CATSPERT: variants seen among roughly 807,000 people sequenced by gnomAD.
CATSPERT encodes cation channel sperm-associated targeting subunit tau.
the CATSPERT span, chr2:201,491,502 T>C: frequency 2.6e-6 from 4 of 1,536,246 alleles, no homozygotes; most frequent in Non-Finnish European, 2.6e-6. Flanking sequence ...ATTGTGCAAA[T>C]GTTACTAAAT....
At chr2:201,608,632 C>T in the CATSPERT span, among the ~76,000 whole-genome samples, 47 of 152,042 alleles carry the variant, frequency 3.1e-4, no homozygotes, top group African/African-American at 6.7e-4. Flanking sequence ...GCCTGGGCTA[C>T]GTGGCAAAAC....
the CATSPERT span, chr2:201,604,755 C>T: frequency 4.2e-6 from 5 of 1,179,158 alleles, no homozygotes; most frequent in Non-Finnish European, 6.0e-6. Context: ...CTAGATGAAA[C>T]ATCAATTCAA....
chr2:201,584,434 A>G, the CATSPERT span, among the ~76,000 whole-genome samples: 1 of 152,208 alleles, frequency 6.6e-6, no homozygotes, highest in South Asian at 2.1e-4. Flanking sequence ...AGTTAACCAG[A>G]GTCCAAGGAA....
the CATSPERT span, among the ~76,000 whole-genome samples, chr2:201,600,031 T>A: frequency 6.6e-6 from 1 of 152,216 alleles, no homozygotes; most frequent in African/African-American, 2.4e-5. Flanking sequence ...AGTGTGGCGA[T>A]TCCTCAAGGA....
chr2:201,526,864 T>TACCA, the CATSPERT span, among the ~76,000 whole-genome samples: 1 of 152,164 alleles, frequency 6.6e-6, no homozygotes, highest in African/African-American at 2.4e-5. Context: ...AAGACAAGGA[T>TACCA]ACCAACTCTC....
chr2:201,487,739 C>T, the CATSPERT span: 134 of 1,614,128 alleles, frequency 8.3e-5, 1 homozygote, highest in East Asian at 2.6e-3. Context: ...GTAGCTTTCT[C>T]GTTGCTTGTT....
At chr2:201,588,715 C>T in the CATSPERT span, among the ~76,000 whole-genome samples, 1 of 151,766 alleles carries the variant, frequency 6.6e-6, no homozygotes, top group African/African-American at 2.4e-5. Context: ...CAAGGATGCC[C>T]TCTCTCACCA....
chr2:201,610,798 T>A, the CATSPERT span, among the ~76,000 whole-genome samples: 2 of 152,154 alleles, frequency 1.3e-5, no homozygotes, highest in Non-Finnish European at 2.9e-5. Context: ...TTTATCCCAG[T>A]GAATGCAAGG....
the CATSPERT span, among the ~76,000 whole-genome samples, chr2:201,618,728 T>A: frequency 5.6e-4 from 78 of 139,616 alleles, no homozygotes; most frequent in African/African-American, 1.9e-3. Context: ...AAAATAAAAA[T>A]AAAAAAAAGG....
the CATSPERT span, among the ~76,000 whole-genome samples, chr2:201,536,600 T>G: frequency 1.4e-4 from 21 of 151,940 alleles, no homozygotes; most frequent in South Asian, 4.4e-3. Context: ...AATCTGAGGG[T>G]CTGACATTTT....
At chr2:201,562,483 G>A in the CATSPERT span, among the ~76,000 whole-genome samples, 3 of 151,626 alleles carry the variant, frequency 2.0e-5, no homozygotes, top group Non-Finnish European at 2.9e-5. Context: ...CACCACGCCC[G>A]GCCCCTTCTC....
the CATSPERT span, chr2:201,493,039 G>A: frequency 6.5e-7 from 1 of 1,536,346 alleles, no homozygotes; most frequent in Non-Finnish European, 8.7e-7. Flanking sequence ...TGTAAAAGAA[G>A]GTTGAATTAG....
chr2:201,589,922 C>A, the CATSPERT span, among the ~76,000 whole-genome samples: 1 of 152,036 alleles, frequency 6.6e-6, no homozygotes, highest in African/African-American at 2.4e-5. Context: ...AAAAAACAAA[C>A]AACCCCATTA....
At chr2:201,527,038 A>T in the CATSPERT span, among the ~76,000 whole-genome samples, 2 of 152,368 alleles carry the variant, frequency 1.3e-5, no homozygotes, top group East Asian at 3.9e-4. Flanking sequence ...AGGCTTCTAG[A>T]TCTGATAAAC....
the CATSPERT span, among the ~76,000 whole-genome samples, chr2:201,543,982 A>G: frequency 6.6e-6 from 1 of 152,072 alleles, no homozygotes; most frequent in Non-Finnish European, 1.5e-5. Context: ...TACATTAGGT[A>G]TATCACCTAA....
chr2:201,491,352 T>G, the CATSPERT span: 1 of 1,537,628 alleles, frequency 6.5e-7, no homozygotes, highest in East Asian at 2.4e-5. Context: ...TCTTAAATAA[T>G]TCTGGGAAGA....
At chr2:201,491,168 C>T in the CATSPERT span, 1 of 1,520,650 alleles carries the variant, frequency 6.6e-7, no homozygotes, top group South Asian at 1.2e-5. Context: ...AACATTATTA[C>T]ATGTATAGTT....
chr2:201,563,294 C>T, the CATSPERT span, among the ~76,000 whole-genome samples: 34 of 137,598 alleles, frequency 2.5e-4, no homozygotes, highest in African/African-American at 7.3e-4. Context: ...ACCTCCCGGA[C>T]GGGGCGGCTG....
the CATSPERT span, among the ~76,000 whole-genome samples, chr2:201,587,875 C>T: frequency 1.3e-5 from 2 of 152,088 alleles, no homozygotes; most frequent in African/African-American, 4.8e-5. Context: ...CACCACTATG[C>T]AAATAAACTA....
Sources: gnomAD v4.1 joint callset for allele counts (sites outside exome capture counted in the v4.1 genomes callset) on GRCh38, gnomAD v4.1.1 for gene constraint, MANE v1.5 for transcripts, NCBI Gene and HGNC (gene_info 2026-07-23, HGNC 2026-07-21) for gene names.